The following NMT2 variants were observed in gnomAD, a reference collection of about 807,000 sequenced individuals.
NMT2 encodes glycylpeptide N-tetradecanoyltransferase 2.
In NMT2, 35 loss-of-function variants were observed where a neutral mutation model predicts 65.4. That is an observed-to-expected ratio of 0.54 (90% CI 0.41 to 0.71). The LOEUF (loss-of-function observed/expected upper bound fraction) is 0.71. NMT2 is among the 30% of genes least tolerant of loss of function. NMT2 has a pLI of 0.00. For missense variants in NMT2, 489 were observed against 611.3 expected (o/e 0.80, Z 2.11); for synonymous variants, 226 against 231.8 (o/e 0.98, Z 0.23).
At chr10:15,162,842 T>G (rs1424119839) in intron 1 of NMT2, among the ~76,000 whole-genome samples, 1 of 148,406 alleles carries the variant, frequency 6.7e-6, no homozygotes, top group African/African-American at 2.4e-5. Flanking sequence ...TATATCTCTA[T>G]ATATTTGATA....
At chr10:15,127,554 A>AT (rs1474526580) in intron 8 of NMT2, among the ~76,000 whole-genome samples, 2 of 92,914 alleles carry the variant, frequency 2.2e-5, no homozygotes, top group Non-Finnish European at 3.6e-5. Flanking sequence ...CTCAAAAAAA[A>AT]AAAAAAAAAA....
In NMT2 at chr10:15,119,427, A is replaced by C; in HGVS notation, c.1086T>G (p.Phe362Leu). The C allele has an allele frequency of 6.2e-7, 1 of 1,614,166 alleles. No homozygotes were observed. The highest frequency in any genetic ancestry group is 8.5e-7 in the Non-Finnish European group (1 of 1,180,006). ...CTTCATCCATCACTGGAGCCAGATG[A>C]AACTGCTTCAGGTAAGTGTTGATTA... ...RELINTYLKQ[F>L]HLAPVMDEEE... Residue 362 changes from phenylalanine (F) to leucine (L), a missense_variant, in exon 9 of 12, where the codon TTT becomes TTG. Coordinates refer to ENST00000378165, the MANE Select transcript of NMT2 (RefSeq NM_004808.3).
intron 1 of NMT2, among the ~76,000 whole-genome samples, chr10:15,149,742 T>C (rs1832740139): frequency 6.6e-6 from 1 of 152,102 alleles, no homozygotes; most frequent in African/African-American, 2.4e-5. Flanking sequence ...TTATTCCCGT[T>C]TTATAGATGA....
Position 15,168,619 on chromosome 10 carries a change from GGC to G in NMT2, c.-9_-8del. 6.4e-7 allele frequency: 1 copy of G among 1,572,790 alleles called. No individual in the cohort carries two copies. Among genetic ancestry groups the G allele is most frequent in the Non-Finnish European group, 8.6e-7 (1 of 1,166,166 alleles). On this transcript the variant is annotated 5_prime_UTR_variant, in exon 1 of 12. Transcript: ENST00000378165. ...ACTCGCTGTCCTCCGCCATCGCGGC[GGC>G]GCTGGCTGGGGAGGCGGTGCTCGGG...
chr10:15,114,090 G>A (rs1177515968), intron 9 of NMT2, among the ~76,000 whole-genome samples: 1 of 152,198 alleles, frequency 6.6e-6, no homozygotes, highest in Non-Finnish European at 1.5e-5. Context: ...TCTTCAGCCA[G>A]CAAGAAACTA....
chr10:15,122,384 C>A (rs768220130), intron 8 of NMT2, among the ~76,000 whole-genome samples: 62 of 152,176 alleles, frequency 4.1e-4, no homozygotes, highest in Admixed American at 6.5e-4. Flanking sequence ...CTTAAAGCAG[C>A]AGTTCTCAAA....
Position 15,109,241 on chromosome 10 carries a change from G to GT in NMT2, c.1477-27dup. The GT allele has an allele frequency of 1.9e-6, 3 of 1,603,074 alleles. No homozygotes were observed. The South Asian group carries it at 3.3e-5, about 18-fold the overall frequency. ...CTGAAGGGAGGGAAGAAATGGAATA[G>GT]TAAGAAAAATTAGATTGCAATGTAG... On this transcript the variant is annotated intron_variant, in intron 11 of 11. Coordinates refer to ENST00000378165, the MANE Select transcript of NMT2 (RefSeq NM_004808.3).
In NMT2 at chr10:15,106,646, C is replaced by G. The variant is rs1388510414; in HGVS notation, c.*2549G>C. 11 of 985,288 alleles carry G rather than the reference C, an allele frequency of 1.1e-5. No homozygotes were observed. Among genetic ancestry groups the G allele is most frequent in the Non-Finnish European group, 1.3e-5 (11 of 829,970 alleles). The allele number at this position is 985,288 out of a possible 1,614,324, so 61.0% of individuals were successfully genotyped here. ...GGTTGGTCTTTAGAATCACGGCAACCTATAGAAAGGAGAGTTCCAACTCCT... is the reference window on the plus strand; with the variant it reads ...GGTTGGTCTTTAGAATCACGGCAACGTATAGAAAGGAGAGTTCCAACTCCT... On this transcript the variant is annotated 3_prime_UTR_variant, in exon 12 of 12. Transcript: ENST00000378165.
intron 1 of NMT2, among the ~76,000 whole-genome samples, chr10:15,155,471 T>C (rs1050019587): frequency 1.3e-5 from 2 of 150,474 alleles, no homozygotes; most frequent in African/African-American, 4.9e-5. Flanking sequence ...CGGGCTCAAG[T>C]GATCCTCCCG....
At chr10:15,143,504 C>CGT (rs1564580628) in intron 1 of NMT2, among the ~76,000 whole-genome samples, 31 of 152,294 alleles carry the variant, frequency 2.0e-4, no homozygotes, top group African/African-American at 7.2e-4. Context: ...CTGGGAAGGA[C>CGT]GCTTTGAAGT....
chr10:15,111,239 G>A (rs998406457), intron 10 of NMT2, among the ~76,000 whole-genome samples: 4 of 151,978 alleles, frequency 2.6e-5, no homozygotes, highest in Non-Finnish European at 5.9e-5. Context: ...GGCCGGGCGT[G>A]GTGGCTCACG....
At chr10:15,140,717 A>G (rs1846723265) in intron 2 of NMT2, among the ~76,000 whole-genome samples, 1 of 152,040 alleles carries the variant, frequency 6.6e-6, no homozygotes, top group African/African-American at 2.4e-5. Flanking sequence ...TTCTTGCATC[A>G]AGAGGGCTTT....
intron 1 of NMT2, among the ~76,000 whole-genome samples, chr10:15,168,093 G>A (rs1451903798): frequency 6.6e-6 from 1 of 152,168 alleles, no homozygotes; most frequent in African/African-American, 2.4e-5. Flanking sequence ...GCAGGGAGCA[G>A]AGGAGGGCGA....
At chr10:15,139,250 C>CTCTATCTA (rs148766759) in intron 2 of NMT2, among the ~76,000 whole-genome samples, 2,973 of 146,874 alleles carry the variant, frequency 0.02, 40 homozygotes, top group Non-Finnish European at 0.024. Context: ...ATAAACTCCC[C>CTCTATCTA]TCTATCTATC....
chr10:15,111,509 C>CAAAAAA (rs58537120), intron 10 of NMT2, among the ~76,000 whole-genome samples: 1 of 52,806 alleles, frequency 1.9e-5, no homozygotes, highest in Admixed American at 2.2e-4. Flanking sequence ...AGACTCATCT[C>CAAAAAA]AAAAAAAAAA....
At chr10:15,159,639 G>C (rs548414216) in intron 1 of NMT2, among the ~76,000 whole-genome samples, 23 of 152,238 alleles carry the variant, frequency 1.5e-4, no homozygotes, top group African/African-American at 4.8e-4. Context: ...TGTAGCCCAG[G>C]CTGCTCTCGA....
chr10:15,157,912 A>G (rs1302582801), intron 1 of NMT2, among the ~76,000 whole-genome samples: 3 of 152,228 alleles, frequency 2.0e-5, no homozygotes, highest in African/African-American at 7.2e-5. Context: ...ACAGATTTAC[A>G]GTCAGATAGA....
chr10:15,110,662 C>A lies in NMT2; in HGVS notation c.1339-823G>T, dbSNP rs78419154. Among the ~76,000 whole-genome samples, 1,325 of 152,062 alleles carry A rather than the reference C, an allele frequency of 8.7e-3. 20 individuals are homozygous for A. The highest frequency in any genetic ancestry group is 0.03 in the African/African-American group (1,256 of 41,414). The stretch of plus-strand genomic sequence containing the variant: ...AAAAACAAACAAACTATAGTGAATC[C>A]AATGAAGTCAGCATGAAAATTCAGA... On this transcript the variant is annotated intron_variant, in intron 10 of 11. Coordinates refer to ENST00000378165, the MANE Select transcript of NMT2 (RefSeq NM_004808.3).
rs764943700 is a variant in NMT2, at chr10:15,109,698, T to G, written c.1476+4A>C. On this transcript the variant is annotated splice_donor_region_variant and intron_variant, in intron 11 of 11. Transcript: ENST00000378165. ...TTTACAAGGGCTATATCCATTTCACTTACCTTTTCAGAATCTGTACCTGGA... is the reference window on the plus strand; with the variant it reads ...TTTACAAGGGCTATATCCATTTCACGTACCTTTTCAGAATCTGTACCTGGA... The G allele has an allele frequency of 3.7e-6, 6 of 1,604,244 alleles. No homozygotes were observed. The South Asian group carries it at 5.6e-5, about 15-fold the overall frequency.
Sources: allele counts gnomAD v4.1 joint callset (sites outside exome capture counted in the v4.1 genomes callset), GRCh38; gene constraint gnomAD v4.1.1; transcripts MANE v1.5; gene names NCBI Gene and HGNC (gene_info 2026-07-23, HGNC 2026-07-21).